The following ROBO1 variants were observed in gnomAD, a reference collection of about 807,000 sequenced individuals.
The protein encoded by ROBO1 is roundabout homolog 1.
In ROBO1, 149 loss-of-function variants were observed where a neutral mutation model predicts 195.9. The ratio of observed to expected loss-of-function variants is 0.76; its 90% CI spans 0.67 to 0.87. The LOEUF (loss-of-function observed/expected upper bound fraction) is 0.87, where lower values mean the gene tolerates loss of function less well. Among genes scored for constraint, ROBO1 ranks in the 40% least tolerant of loss-of-function variants. The probability of loss-of-function intolerance (pLI) is 0.00; values close to 1 mark genes in which losing one functional copy is unlikely to be tolerated. For missense variants in ROBO1, 1,933 were observed against 2,068.3 expected, an observed-to-expected ratio of 0.93 and a Z score of 1.27; for synonymous variants, 816 against 733.2, an observed-to-expected ratio of 1.11 and a Z score of -1.82.
chr3:78,746,705 A>C (rs931969716), intron 5 of ROBO1, 38 bp downstream of exon 5: 30 of 1,396,642 alleles, frequency 2.1e-5, no homozygotes, highest in Non-Finnish European at 2.8e-5. Context: ...ACACAGTTAG[A>C]CCAACAAATG....
intron 4 of ROBO1, among the ~76,000 whole-genome samples, chr3:78,822,761 T>C (rs958770756): frequency 2.6e-5 from 4 of 152,218 alleles, no homozygotes; most frequent in African/African-American, 9.6e-5. Flanking sequence ...GAGAGTTTTG[T>C]TTATACTTTG....
intron 3 of ROBO1, among the ~76,000 whole-genome samples, chr3:78,959,022 C>T (rs2041200447): frequency 6.6e-6 from 1 of 151,824 alleles, no homozygotes; most frequent in African/African-American, 2.4e-5. Context: ...AGGTGGGTCT[C>T]CAACTCCTGA....
intron 2 of ROBO1, among the ~76,000 whole-genome samples, chr3:79,246,503 G>T (rs1188051868): frequency 6.6e-6 from 1 of 151,960 alleles, no homozygotes; most frequent in Admixed American, 6.6e-5. Context: ...TGGAAAGCCT[G>T]CTTAAATGTG....
intron 2 of ROBO1, among the ~76,000 whole-genome samples, chr3:79,223,632 T>C (rs1488371031): frequency 2.0e-5 from 3 of 152,176 alleles, no homozygotes; most frequent in Admixed American, 6.5e-5. Context: ...CTTTCCAGGA[T>C]TGGACAGGCA....
intron 2 of ROBO1, among the ~76,000 whole-genome samples, chr3:79,394,648 T>A (rs1258908477): frequency 6.6e-6 from 1 of 152,114 alleles, no homozygotes; most frequent in Non-Finnish European, 1.5e-5. Flanking sequence ...TTTTATATTG[T>A]TGATGAGAAC....
intron 2 of ROBO1, among the ~76,000 whole-genome samples, chr3:79,176,770 T>C (rs1576776357): frequency 6.6e-6 from 1 of 152,206 alleles, no homozygotes; most frequent in Non-Finnish European, 1.5e-5. Context: ...TGAAGATTAT[T>C]ATTTTAACCA....
At chr3:79,270,698 T>C (rs1035799806) in intron 2 of ROBO1, among the ~76,000 whole-genome samples, 4 of 151,934 alleles carry the variant, frequency 2.6e-5, no homozygotes, top group African/African-American at 9.7e-5. Flanking sequence ...TCCAGTCATA[T>C]TCAGCTCTAG....
chr3:79,620,497 A>T (rs745667400), intron 1 of ROBO1, among the ~76,000 whole-genome samples: 12 of 150,780 alleles, frequency 8.0e-5, no homozygotes, highest in Non-Finnish European at 1.6e-4. Flanking sequence ...AAAACTCCCC[A>T]ACTCTGGTGC....
chr3:79,048,570 T>C (rs2078638060), intron 3 of ROBO1, among the ~76,000 whole-genome samples: 1 of 152,142 alleles, frequency 6.6e-6, no homozygotes, highest in Admixed American at 6.6e-5. Context: ...ATGTGCTGAC[T>C]GCCATTATTT....
rs373614033 is a variant in ROBO1 at position 78,954,626 on chromosome 3, G to A, written c.173-15699C>T. Among the ~76,000 whole-genome samples the A allele has an allele frequency of 9.9e-5, 15 of 152,098 alleles. No homozygotes were observed. In the South Asian group the frequency reaches 1.0e-3, roughly 11 times the overall value. On this transcript the variant is annotated intron_variant, in intron 3 of 30. Transcript: ENST00000464233. ...AAAAACAGCATTTGGGTGGTCCCAG[G>A]ATTTTTTTTATTGCTATGGAAACAT... is the stretch of plus-strand genomic sequence containing the variant.
chr3:79,034,341 G>T (rs577680922), intron 3 of ROBO1, among the ~76,000 whole-genome samples: 1 of 152,052 alleles, frequency 6.6e-6, no homozygotes, highest in South Asian at 2.1e-4. Flanking sequence ...GATGAAAAAC[G>T]TCTCCACATT....
intron 4 of ROBO1, among the ~76,000 whole-genome samples, chr3:78,865,614 G>T (rs1437672889): frequency 6.6e-6 from 1 of 151,656 alleles, no homozygotes; most frequent in Non-Finnish European, 1.5e-5. Context: ...TGGGATTACA[G>T]GTGCCTGCCA....
chr3:79,248,676 G>A (rs956663806), intron 2 of ROBO1, among the ~76,000 whole-genome samples: 6 of 152,234 alleles, frequency 3.9e-5, no homozygotes, highest in South Asian at 2.1e-4. Context: ...TTAAGCTTTC[G>A]TTTTAATGTT....
chr3:79,156,970 T>C (rs73110906), intron 2 of ROBO1, among the ~76,000 whole-genome samples: 10 of 151,996 alleles, frequency 6.6e-5, no homozygotes, highest in Non-Finnish European at 1.5e-4. Flanking sequence ...CACTTCAGAC[T>C]TTGGTTTGTT....
chr3:78,954,063 G>C (rs779834368), intron 3 of ROBO1, among the ~76,000 whole-genome samples: 20 of 151,786 alleles, frequency 1.3e-4, no homozygotes, highest in African/African-American at 4.6e-4. Context: ...AGTTTAAGTT[G>C]AGCATTCAAC....
At chr3:79,213,810 CCCTTT>C (rs2082005448) in intron 2 of ROBO1, among the ~76,000 whole-genome samples, 1 of 141,240 alleles carries the variant, frequency 7.1e-6, no homozygotes, top group Admixed American at 8.5e-5. Context: ...AATAACTCTC[CCCTTT>C]CTTTTTTTTT....
chr3:78,965,476 G>C (rs1406143564), intron 3 of ROBO1, among the ~76,000 whole-genome samples: 5 of 152,004 alleles, frequency 3.3e-5, no homozygotes, highest in African/African-American at 1.2e-4. Flanking sequence ...ACTTCTTTGA[G>C]CAGAGTGAGA....
chr3:78,646,069 G>T, intron 21 of ROBO1, 79 bp downstream of exon 21: 1 of 1,245,616 alleles, frequency 8.0e-7, no homozygotes, highest in Non-Finnish European at 1.2e-6. Context: ...TTTTTAAGCA[G>T]AGAAAGTGGT....
intron 1 of ROBO1, among the ~76,000 whole-genome samples, chr3:79,693,779 A>G (rs920678428): frequency 4.6e-5 from 7 of 151,582 alleles, no homozygotes; most frequent in African/African-American, 1.7e-4. Flanking sequence ...AAGATAAATA[A>G]CTTAATTTAC....
Sources: gnomAD v4.1 joint callset for allele counts (sites outside exome capture counted in the v4.1 genomes callset) on GRCh38, gnomAD v4.1.1 for gene constraint, MANE v1.5 for transcripts, NCBI Gene and HGNC (gene_info 2026-07-23, HGNC 2026-07-21) for gene names.